Variants in PIK3C2G observed in about 807,000 individuals in gnomAD.
PIK3C2G encodes phosphatidylinositol-4-phosphate 3-kinase catalytic subunit type 2 gamma, also known as phosphatidylinositol 3-kinase C2 domain-containing subunit gamma.
In PIK3C2G, 168 loss-of-function variants were observed where a neutral mutation model predicts 181.1. That is an observed-to-expected ratio of 0.93 (90% confidence interval 0.82 to 1.05). PIK3C2G has a LOEUF of 1.05. Ranked by LOEUF, PIK3C2G falls within the 50% of genes least tolerant of loss-of-function variation. The probability of loss-of-function intolerance (pLI) is 0.00; values close to 1 mark genes in which losing one functional copy is unlikely to be tolerated. For synonymous variants in PIK3C2G, 573 were observed against 592.2 expected, an observed-to-expected ratio of 0.97 and a Z score of 0.47; for missense variants, 1,869 against 1,732.8, an observed-to-expected ratio of 1.08 and a Z score of -1.40.
intron 31 of PIK3C2G, among the ~76,000 whole-genome samples, chr12:18,615,976 G>A (rs553370761): frequency 1.3e-3 from 198 of 151,986 alleles, no homozygotes; most frequent in African/African-American, 4.6e-3. Flanking sequence ...ATTATATCTA[G>A]AAGGATCATT....
At chr12:18,683,271 A>C in the PIK3C2G span, 1 of 1,612,640 alleles carries the variant, frequency 6.2e-7, no homozygotes, top group Non-Finnish European at 8.5e-7. Context: ...ACAAACAGTG[A>C]AGCAGGCTCA....
At chr12:18,381,670 A>T (rs2137966470) in intron 13 of PIK3C2G, 96 bp from the exon 14 acceptor site, 1 of 740,572 alleles carries the variant, frequency 1.4e-6, no homozygotes, top group Admixed American at 2.0e-5. Flanking sequence ...GTAAGAGCGG[A>T]TTATGTTTAT....
At chr12:18,609,027 C>T (rs904517715) in intron 30 of PIK3C2G, among the ~76,000 whole-genome samples, 14 of 152,050 alleles carry the variant, frequency 9.2e-5, no homozygotes. Context: ...TACGTGACAA[C>T]TTTTGAATTT....
At chr12:18,497,911 A>G (rs1364954370) in intron 22 of PIK3C2G, among the ~76,000 whole-genome samples, 163 bp downstream of exon 22, 2 of 152,252 alleles carry the variant, frequency 1.3e-5, no homozygotes, top group East Asian at 1.9e-4. Flanking sequence ...TTCAAAAATG[A>G]TAAGCCAACA....
At chr12:18,362,247 A>G (rs187290979) in intron 11 of PIK3C2G, among the ~76,000 whole-genome samples, 1 of 152,318 alleles carries the variant, frequency 6.6e-6, no homozygotes, top group Non-Finnish European at 1.5e-5. Flanking sequence ...TAAACTGGTG[A>G]CATTTCCTGT....
chr12:18,719,842 ATATAT>A, the PIK3C2G span, among the ~76,000 whole-genome samples: 1 of 152,032 alleles, frequency 6.6e-6, no homozygotes, highest in Non-Finnish European at 1.5e-5. Flanking sequence ...CAAGTAAATA[ATATAT>A]TATTTAATTA....
intron 18 of PIK3C2G, among the ~76,000 whole-genome samples, chr12:18,427,971 G>A (rs1362234731): frequency 1.3e-5 from 2 of 152,080 alleles, no homozygotes; most frequent in Non-Finnish European, 2.9e-5. Context: ...GTGTAGGTTT[G>A]TTACATAGGT....
the PIK3C2G span, among the ~76,000 whole-genome samples, chr12:18,725,390 T>C: frequency 2.0e-5 from 3 of 152,054 alleles, no homozygotes; most frequent in African/African-American, 7.2e-5. Context: ...AAGAGAAAAC[T>C]GAAGCACAAA....
intron 26 of PIK3C2G, among the ~76,000 whole-genome samples, chr12:18,559,771 T>A (rs1362454526): frequency 1.0e-5 from 1 of 98,756 alleles, no homozygotes; most frequent in African/African-American, 3.9e-5. Flanking sequence ...ATGTATTGTA[T>A]GAAATTATAT....
intron 23 of PIK3C2G, among the ~76,000 whole-genome samples, chr12:18,504,973 T>C (rs1941726188): frequency 6.6e-6 from 1 of 152,210 alleles, no homozygotes; most frequent in Non-Finnish European, 1.5e-5. Context: ...CAATATTGTA[T>C]ATTTGAGGTA....
intron 14 of PIK3C2G, among the ~76,000 whole-genome samples, chr12:18,389,175 A>G (rs1423797305): frequency 2.0e-5 from 3 of 151,904 alleles, no homozygotes; most frequent in South Asian, 2.1e-4. Flanking sequence ...ACATGGTGAA[A>G]CCCCGTCTCT....
chr12:18,370,724 T>G (rs186696347), intron 12 of PIK3C2G, among the ~76,000 whole-genome samples: 1 of 152,136 alleles, frequency 6.6e-6, no homozygotes, highest in Non-Finnish European at 1.5e-5. Context: ...CAGACACACC[T>G]AGTTGTTCAT....
chr12:18,307,653 T>C (rs1264816714), intron 5 of PIK3C2G, among the ~76,000 whole-genome samples: 1 of 151,940 alleles, frequency 6.6e-6, no homozygotes, highest in Non-Finnish European at 1.5e-5. Flanking sequence ...CTTGGTATGG[T>C]AACCTTTCTT....
chr12:18,362,682 G>T, intron 11 of PIK3C2G, 82 bp from the exon 12 acceptor site: 1 of 1,009,200 alleles, frequency 9.9e-7, no homozygotes, highest in South Asian at 1.9e-5. Context: ...TTTGACTTTT[G>T]ACTACAAAAA....
intron 30 of PIK3C2G, among the ~76,000 whole-genome samples, chr12:18,607,767 ACAG>A (rs2136581240): frequency 6.6e-6 from 1 of 152,310 alleles, no homozygotes; most frequent in South Asian, 2.1e-4. Flanking sequence ...CAGGCAACCT[ACAG>A]AATGGGAGAA....
chr12:18,570,336 G>GATATAGATAGATACATCTA (rs1555132238), intron 29 of PIK3C2G, among the ~76,000 whole-genome samples: 14 of 150,912 alleles, frequency 9.3e-5, no homozygotes, highest in African/African-American at 2.7e-4. Flanking sequence ...AGCCTCCCCA[G>GATATAGATAGATACATCTA]TAGCTGGGAT....
intron 18 of PIK3C2G, among the ~76,000 whole-genome samples, chr12:18,447,556 A>G (rs1390850006): frequency 6.6e-6 from 1 of 152,190 alleles, no homozygotes; most frequent in African/African-American, 2.4e-5. Flanking sequence ...GTAATTTTTC[A>G]CGGTAATGGA....
upstream of PIK3C2G, among the ~76,000 whole-genome samples, chr12:18,243,474 A>G (rs1351553952): frequency 1.3e-5 from 2 of 152,054 alleles, no homozygotes; most frequent in East Asian, 3.9e-4. Flanking sequence ...CCTGGCCCAA[A>G]GTACAATTCA....
the PIK3C2G span, among the ~76,000 whole-genome samples, chr12:18,720,129 T>A: frequency 5.3e-5 from 8 of 152,118 alleles, no homozygotes; most frequent in Admixed American, 6.6e-5. Context: ...TTGTACCTGG[T>A]TTCTTTTACT....
Sources: allele counts gnomAD v4.1 joint callset (sites outside exome capture counted in the v4.1 genomes callset), GRCh38; gene constraint gnomAD v4.1.1; transcripts MANE v1.5; gene names NCBI Gene and HGNC (gene_info 2026-07-23, HGNC 2026-07-21).